Variants in ROPN1 observed in about 807,000 individuals in gnomAD.
ROPN1 encodes the protein ropporin-1A.
In ROPN1, 14 loss-of-function variants were observed where a neutral mutation model predicts 20.5. The observed-to-expected ratio is 0.68, with a 90% CI of 0.45 to 1.07. The LOEUF (loss-of-function observed/expected upper bound fraction) is 1.07. Ranked by LOEUF, ROPN1 falls within the 50% of genes least tolerant of loss-of-function variation. The probability of loss-of-function intolerance (pLI) is 0.00; values close to 1 mark genes in which losing one functional copy is unlikely to be tolerated. For synonymous variants in ROPN1, 76 were observed against 95.7 expected (o/e 0.79, Z 1.20); for missense variants, 169 against 242.8 (o/e 0.70, Z 2.02).
intron 4 of ROPN1, among the ~76,000 whole-genome samples, chr3:123,973,152 G>A (rs962123237): frequency 6.6e-6 from 1 of 152,090 alleles, no homozygotes; most frequent in Non-Finnish European, 1.5e-5. Context: ...TGAATTTTGG[G>A]AGAACACAAA....
At chr3:123,970,008 T>C in intron 5 of ROPN1, 34 bp downstream of exon 5, 1 of 1,605,256 alleles carries the variant, frequency 6.2e-7, no homozygotes, top group Non-Finnish European at 8.5e-7. Flanking sequence ...TTTCCTGGTA[T>C]TCTTTCACCT....
At chr3:123,990,622 A>G (rs2038385616) in intron 1 of ROPN1, among the ~76,000 whole-genome samples, 1 of 152,226 alleles carries the variant, frequency 6.6e-6, no homozygotes, top group Admixed American at 6.5e-5. Flanking sequence ...GGTCCATTCT[A>G]TCTTAACATT....
intron 4 of ROPN1, among the ~76,000 whole-genome samples, chr3:123,973,566 G>A (rs1474437417): frequency 6.6e-6 from 1 of 151,636 alleles, no homozygotes; most frequent in Non-Finnish European, 1.5e-5. Context: ...TTGGGAGGCA[G>A]GTACATCAGA....
intron 4 of ROPN1, among the ~76,000 whole-genome samples, chr3:123,973,989 A>C (rs528228975): frequency 6.6e-6 from 1 of 152,324 alleles, no homozygotes; most frequent in South Asian, 2.1e-4. Context: ...TTCTGCCTAC[A>C]TTCAACTGCC....
In ROPN1 at chr3:123,980,054, G is replaced by A. The variant is rs2038105828; in HGVS notation, c.116+312C>T. On this transcript the variant is annotated intron_variant, in intron 2 of 5. Coordinates refer to ENST00000405845, the MANE Select transcript of ROPN1 (RefSeq NM_001317774.2). ...CACCGGGAGTGGGAAAAGGCGTGCA[G>A]GGAGGAGGTGGGTGTGCATACGCTG... 20 of 505,494 alleles carry A rather than the reference G, an allele frequency of 4.0e-5. No individual in the cohort carries two copies. In the South Asian group the frequency reaches 7.1e-4, roughly 18 times the overall value. The allele number at this position is 505,494 out of a possible 1,614,324, so 31.3% of individuals were successfully genotyped here.
chr3:123,972,996 T>C (rs1164703967), intron 4 of ROPN1, among the ~76,000 whole-genome samples: 5 of 152,192 alleles, frequency 3.3e-5, no homozygotes, highest in Admixed American at 1.3e-4. Context: ...TCATGAATGA[T>C]GCCTTCTATG....
At chr3:123,969,496 A>G (rs1167763415) in intron 5 of ROPN1, among the ~76,000 whole-genome samples, 81 of 152,112 alleles carry the variant, frequency 5.3e-4, no homozygotes, top group Non-Finnish European at 1.5e-5. Flanking sequence ...TAATTTTTGT[A>G]TTTTTAGTAA....
At chr3:123,988,614 A>G (rs1411805051) in intron 1 of ROPN1, among the ~76,000 whole-genome samples, 1 of 152,152 alleles carries the variant, frequency 6.6e-6, no homozygotes, top group Non-Finnish European at 1.5e-5. Flanking sequence ...TTGTGGCATA[A>G]CATCTAGAGG....
intron 1 of ROPN1, among the ~76,000 whole-genome samples, chr3:123,989,313 C>T (rs111422407): frequency 2.8e-4 from 42 of 152,276 alleles, no homozygotes; most frequent in African/African-American, 8.2e-4. Flanking sequence ...TGGGGAACCA[C>T]TAGAAAATTT....
chr3:123,978,277 G>A (rs138558971), intron 2 of ROPN1, among the ~76,000 whole-genome samples: 1,841 of 151,968 alleles, frequency 0.012, 42 homozygotes, highest in African/African-American at 0.043. Flanking sequence ...TGGGCGGGGT[G>A]TGGGTGCAAT....
intron 4 of ROPN1, among the ~76,000 whole-genome samples, chr3:123,973,886 C>T (rs1406400559): frequency 1.3e-5 from 2 of 152,230 alleles, no homozygotes; most frequent in East Asian, 3.9e-4. Context: ...ACCAGACAGA[C>T]AGGCATTACC....
At chr3:123,971,999 G>A (rs185271751) in intron 4 of ROPN1, among the ~76,000 whole-genome samples, 145 of 152,334 alleles carry the variant, frequency 9.5e-4, no homozygotes, top group Admixed American at 7.2e-3. Context: ...TGTAGGCACA[G>A]AGGAACACAG....
chr3:123,984,312 A>G (rs1470111754), intron 1 of ROPN1, among the ~76,000 whole-genome samples: 2 of 152,034 alleles, frequency 1.3e-5, no homozygotes, highest in Non-Finnish European at 2.9e-5. Flanking sequence ...CCATCTCCCA[A>G]CTAAATCTCT....
At chr3:123,987,294 A>C (rs1209999792) in intron 1 of ROPN1, among the ~76,000 whole-genome samples, 1 of 152,184 alleles carries the variant, frequency 6.6e-6, no homozygotes, top group Non-Finnish European at 1.5e-5. Flanking sequence ...GTTGTGGTTC[A>C]AAAATGAGCT....
At chr3:123,985,984 CCT>C (rs2038242785) in intron 1 of ROPN1, among the ~76,000 whole-genome samples, 1 of 50,180 alleles carries the variant, frequency 2.0e-5, no homozygotes, top group Admixed American at 4.7e-4. Flanking sequence ...CAGAGCAAGA[CCT>C]TGTCTCAAAA....
intron 1 of ROPN1, among the ~76,000 whole-genome samples, chr3:123,983,316 G>A (rs938038765): frequency 6.6e-6 from 1 of 151,384 alleles, no homozygotes; most frequent in South Asian, 2.1e-4. Flanking sequence ...TATGGTAATT[G>A]TATTTTAATT....
intron 1 of ROPN1, 122 bp from the exon 2 acceptor site, chr3:123,980,615 A>G: frequency 2.6e-6 from 2 of 765,920 alleles, no homozygotes; most frequent in Non-Finnish European, 4.1e-6. Context: ...CTGCAAGACA[A>G]ATGCATTCTA....
chr3:123,971,612 T>C (rs974058159), intron 4 of ROPN1, among the ~76,000 whole-genome samples: 5 of 152,116 alleles, frequency 3.3e-5, no homozygotes, highest in African/African-American at 1.2e-4. Context: ...CCAACTAGTA[T>C]ATATGAGGCT....
chr3:123,969,343 T>C (rs1343684570), intron 5 of ROPN1, 122 bp from the exon 6 acceptor site: 1 of 886,176 alleles, frequency 1.1e-6, no homozygotes, highest in Non-Finnish European at 1.8e-6. Flanking sequence ...TTTTTTTGTT[T>C]TGTTTTGTTT....
Sources: allele counts gnomAD v4.1 joint callset (sites outside exome capture counted in the v4.1 genomes callset), GRCh38; gene constraint gnomAD v4.1.1; transcripts MANE v1.5; gene names NCBI Gene and HGNC (gene_info 2026-07-23, HGNC 2026-07-21).